PRKCZ: variants seen among roughly 807,000 people sequenced by gnomAD.
PRKCZ encodes protein kinase C zeta type.
PRKCZ carries 33 observed loss-of-function variants against 79.5 expected under a neutral mutation model. That is an observed-to-expected ratio of 0.41 (90% CI 0.31 to 0.55). PRKCZ has a LOEUF of 0.55. PRKCZ is among the 20% of genes least tolerant of loss of function. PRKCZ has a pLI of 0.19. For synonymous variants in PRKCZ, 342 were observed against 320.9 expected (o/e 1.07, Z -0.70); for missense variants, 578 against 813.5 (o/e 0.71, Z 3.52).
chr1:2,150,161 CAAA>C (rs750010192), intron 8 of PRKCZ, among the ~76,000 whole-genome samples: 3 of 46,678 alleles, frequency 6.4e-5, no homozygotes, highest in Non-Finnish European at 9.1e-5. Flanking sequence ...GACTCCGTCT[CAAA>C]AAAAAAAAAA....
chr1:2,172,063 C>T lies in PRKCZ; in HGVS notation c.1070C>T (p.Ala357Val), dbSNP rs1294080664. 1.9e-6 allele frequency: 3 copies of T among 1,605,956 alleles called. No homozygotes were observed. Among genetic ancestry groups the T allele is most frequent in the African/African-American group, 1.3e-5 (1 of 74,922 alleles). The change falls in exon 12 of 18, where the codon GCG becomes GTG. Residue 357 changes from alanine (A) to valine (V), a missense_variant. Physicochemically the swap from Ala to Val is moderately conservative, Grantham distance 64. This residue lies in a region of PRKCZ where 243 missense variants were observed against 467.0 expected (regional missense o/e 0.52). Coordinates refer to ENST00000378567, the MANE Select transcript of PRKCZ (RefSeq NM_002744.6). This position sits in a 1 kb window ranked among gnomAD's most constrained non-coding sequence, Gnocchi z 7.8. ...KLPEEHARFY[A>V]AEICIALNFL... The stretch of plus-strand genomic sequence containing the variant: ...GGCATCCCCACCCCCAGGTTCTACG[C>T]GGCCGAGATCTGCATCGCCCTCAAC...
intron 15 of PRKCZ, 101 bp from the exon 16 acceptor site, chr1:2,175,122 CG>C: frequency 6.0e-6 from 6 of 999,976 alleles, no homozygotes; most frequent in Non-Finnish European, 9.3e-6. Flanking sequence ...GTCAGAGCAT[CG>C]GGGGAGGGCT....
rs556600788 is a variant in PRKCZ, at chr1:2,166,766, C to T, written c.975-2752C>T. Among the ~76,000 whole-genome samples the T allele has an allele frequency of 8.5e-5, 13 of 152,352 alleles. No individual in the cohort carries two copies. The South Asian group carries it at 2.3e-3, about 27-fold the overall frequency. ...ACCCCCACCCCCAGGCTGTGCTTCC[C>T]AGCATCCCTTGGGGTCAGGACTGTG... On this transcript the variant is annotated intron_variant, in intron 10 of 17. Transcript: ENST00000378567.
chr1:2,106,450 ACTCT>A (rs1668449215), intron 4 of PRKCZ, among the ~76,000 whole-genome samples: 1 of 149,420 alleles, frequency 6.7e-6, no homozygotes, highest in African/African-American at 2.5e-5. Context: ...AGGCCAGGCG[ACTCT>A]CAGCAAGCCC....
At chr1:2,118,494 C>T (rs1053933997) in intron 4 of PRKCZ, among the ~76,000 whole-genome samples, 18 of 151,988 alleles carry the variant, frequency 1.2e-4, no homozygotes, top group South Asian at 6.2e-4. Flanking sequence ...CCTGCCACCG[C>T]GCCTAGCTAA....
intron 4 of PRKCZ, among the ~76,000 whole-genome samples, chr1:2,076,150 GA>G (rs1662370967): frequency 6.6e-6 from 1 of 152,228 alleles, no homozygotes; most frequent in Non-Finnish European, 1.5e-5. Flanking sequence ...CCATCGAGGG[GA>G]AGCCTGTGGG....
chr1:2,083,634 T>A (rs1230057872), intron 4 of PRKCZ, among the ~76,000 whole-genome samples: 1 of 152,104 alleles, frequency 6.6e-6, no homozygotes, highest in East Asian at 1.9e-4. Flanking sequence ...TGCTGCAGTG[T>A]TGGGTTAAGA....
At chr1:2,155,942 G>T (rs1460528172) in intron 9 of PRKCZ, 53 bp from the exon 10 acceptor site, 2 of 1,495,634 alleles carry the variant, frequency 1.3e-6, no homozygotes, top group Non-Finnish European at 1.9e-6. Context: ...TGCCCAGGAT[G>T]CCTGTGAGGA....
At chr1:2,122,168 C>CATG (rs1491307411) in intron 4 of PRKCZ, among the ~76,000 whole-genome samples, 1 of 1,624 alleles carries the variant, frequency 6.2e-4, no homozygotes, top group Non-Finnish European at 8.7e-4. Context: ...TGGTTAGGGT[C>CATG]GTGGTGGTTA....
At chr1:2,132,337 A>G (rs892800290) in intron 4 of PRKCZ, among the ~76,000 whole-genome samples, 1 of 152,182 alleles carries the variant, frequency 6.6e-6, no homozygotes, top group Non-Finnish European at 1.5e-5. Context: ...GACATCTTGA[A>G]TGCTCCCGAG....
chr1:2,120,509 A>G lies in PRKCZ; in HGVS notation c.335-14753A>G, dbSNP rs906872493. ...GGAGAGACAGGGTTTCACCATGTTG[A>G]CCAGGCTGGTCTGGAACTCCTGATC... On this transcript the variant is annotated intron_variant, in intron 4 of 17. Transcript: ENST00000378567. Among the ~76,000 whole-genome samples the G allele has an allele frequency of 1.3e-4, 20 of 151,318 alleles. 1 individual carries two copies. Among genetic ancestry groups the G allele is most frequent in the African/African-American group, 4.9e-4 (20 of 41,190 alleles).
intron 4 of PRKCZ, among the ~76,000 whole-genome samples, chr1:2,069,248 GC>G (rs1661370646): frequency 6.6e-6 from 1 of 152,182 alleles, no homozygotes; most frequent in Non-Finnish European, 1.5e-5. Context: ...TCCGGACCCA[GC>G]CCCAGCTGCA....
intron 7 of PRKCZ, among the ~76,000 whole-genome samples, chr1:2,148,011 T>G (rs1334050114): frequency 6.8e-6 from 1 of 147,454 alleles, no homozygotes; most frequent in East Asian, 2.0e-4. Context: ...TATCCATCCA[T>G]CTATTGTCCA....
chr1:2,068,054 C>G (rs1661265721), intron 4 of PRKCZ, among the ~76,000 whole-genome samples: 3 of 152,218 alleles, frequency 2.0e-5, no homozygotes, highest in South Asian at 4.1e-4. Flanking sequence ...TGTGGCGGCC[C>G]TGTCGGCCTG....
chr1:2,170,634 A>G (rs1461279869), intron 11 of PRKCZ, among the ~76,000 whole-genome samples: 1 of 151,204 alleles, frequency 6.6e-6, no homozygotes, highest in African/African-American at 2.4e-5. Flanking sequence ...CCCATCAGAC[A>G]CTCCCTCCCT....
chr1:2,181,653 A>C (rs893533013), intron 16 of PRKCZ: 4 of 334,734 alleles, frequency 1.2e-5, no homozygotes, highest in African/African-American at 8.7e-5. Context: ...AACTGAGGCA[A>C]TCTTGAGCCC....
intron 4 of PRKCZ, among the ~76,000 whole-genome samples, chr1:2,074,432 G>A (rs775559486): frequency 4.6e-5 from 7 of 152,026 alleles, no homozygotes; most frequent in Non-Finnish European, 1.0e-4. Context: ...TTGGTTGTGG[G>A]TCTGTGGGTC....
rs1245327839 is a variant in PRKCZ, at chr1:2,149,840, G to A, written c.687+916G>A. ...CGCACCACTGCACTCCAGCCTGGGC[G>A]ACAGAGGAAGAGTCTGTCTCAAAAA... is the stretch of plus-strand genomic sequence containing the variant. On this transcript the variant is annotated intron_variant, in intron 8 of 17. Transcript: ENST00000378567. The surrounding 1 kb of genome is among the most constrained non-coding windows in gnomAD (Gnocchi z 4.1). Among the ~76,000 whole-genome samples, 6 of 151,980 alleles carry A rather than the reference G, an allele frequency of 3.9e-5. No homozygotes were observed. Among genetic ancestry groups the A allele is most frequent in the African/African-American group, 1.5e-4 (6 of 41,368 alleles).
At chr1:2,120,457 G>T (rs1671673316) in intron 4 of PRKCZ, among the ~76,000 whole-genome samples, 1 of 151,778 alleles carries the variant, frequency 6.6e-6, no homozygotes, top group African/African-American at 2.4e-5. Context: ...TTGCCACCAT[G>T]ACCGGCTAAT....
Sources: gnomAD v4.1 joint callset for allele counts (sites outside exome capture counted in the v4.1 genomes callset) on GRCh38, gnomAD v4.1.1 for gene constraint, gnomAD v4.1.1 regional missense constraint, Gnocchi (gnomAD v3.1) non-coding constraint, MANE v1.5 for transcripts, NCBI Gene and HGNC (gene_info 2026-07-23, HGNC 2026-07-21) for gene names.